SLC2A9: variants seen among roughly 807,000 people sequenced by gnomAD.
SLC2A9 encodes solute carrier family 2, facilitated glucose transporter member 9.
In SLC2A9, 39 loss-of-function variants were observed where a neutral mutation model predicts 50.6. The ratio of observed to expected loss-of-function variants is 0.77; its 90% CI spans 0.60 to 1.01. The LOEUF (loss-of-function observed/expected upper bound fraction) is 1.01. Among genes scored for constraint, SLC2A9 ranks in the 50% least tolerant of loss-of-function variants. The pLI is 0.00. For synonymous variants in SLC2A9, 324 were observed against 276.9 expected (o/e 1.17, Z -1.69); for missense variants, 686 against 677.6 (o/e 1.01, Z -0.14).
chr4:9,971,764 A>G (rs1753938367), intron 5 of SLC2A9, among the ~76,000 whole-genome samples: 1 of 152,250 alleles, frequency 6.6e-6, no homozygotes, highest in Non-Finnish European at 1.5e-5. Context: ...CAAACCCCTG[A>G]AAAATAAAGC....
At chr4:9,912,165 A>G (rs984155933) in intron 7 of SLC2A9, among the ~76,000 whole-genome samples, 1 of 152,120 alleles carries the variant, frequency 6.6e-6, no homozygotes, top group African/African-American at 2.4e-5. Flanking sequence ...GGGGAGGGAG[A>G]GCATTAGGAG....
At chr4:9,873,509 G>C (rs1384192205) in intron 10 of SLC2A9, among the ~76,000 whole-genome samples, 7 of 152,200 alleles carry the variant, frequency 4.6e-5, no homozygotes, top group African/African-American at 1.7e-4. Flanking sequence ...GGAGTTCCAA[G>C]CCCAGGCCTC....
At chr4:9,921,952 C>T (rs1274992958) in intron 6 of SLC2A9, among the ~76,000 whole-genome samples, 2 of 151,944 alleles carry the variant, frequency 1.3e-5, no homozygotes, top group Non-Finnish European at 2.9e-5. Context: ...ACCATGGCTG[C>T]CAGGAAGCTC....
chr4:9,792,244 A>T (rs1415824956), intron 3 of SLC2A9, among the ~76,000 whole-genome samples: 1 of 140,906 alleles, frequency 7.1e-6, no homozygotes, highest in East Asian at 2.0e-4. Context: ...TGGAGCAATC[A>T]TGGTTCACTG....
chr4:9,957,950 AG>A (rs1243658296), intron 5 of SLC2A9, among the ~76,000 whole-genome samples: 9 of 152,228 alleles, frequency 5.9e-5, no homozygotes, highest in African/African-American at 1.4e-4. Flanking sequence ...GCACAACTGA[AG>A]AGAAAGATTC....
intron 10 of SLC2A9, among the ~76,000 whole-genome samples, chr4:9,874,362 A>G (rs1260746801): frequency 6.6e-6 from 1 of 152,190 alleles, no homozygotes; most frequent in Non-Finnish European, 1.5e-5. Context: ...AGTTCTCCAG[A>G]TGCCCTCTCT....
chr4:9,960,513 C>A (rs1429842341), intron 5 of SLC2A9, among the ~76,000 whole-genome samples: 1 of 152,172 alleles, frequency 6.6e-6, no homozygotes, highest in African/African-American at 2.4e-5. Context: ...CAGAGGGAAG[C>A]AAGAAGACAC....
chr4:10,001,680 G>C (rs373764305), intron 2 of SLC2A9, among the ~76,000 whole-genome samples: 1 of 152,322 alleles, frequency 6.6e-6, no homozygotes, highest in South Asian at 2.1e-4. Context: ...GCCTTCATCA[G>C]GGTGCTACCA....
At chr4:9,947,638 G>A (rs1187599230) in intron 5 of SLC2A9, among the ~76,000 whole-genome samples, 3 of 152,150 alleles carry the variant, frequency 2.0e-5, no homozygotes, top group African/African-American at 7.2e-5. Context: ...CTGAGAGCAG[G>A]CCTTTCGTAT....
chr4:10,023,555 G>A (rs1763652621), upstream of SLC2A9, among the ~76,000 whole-genome samples: 1 of 152,172 alleles, frequency 6.6e-6, no homozygotes, highest in Non-Finnish European at 1.5e-5. Context: ...AACTCAAAAG[G>A]AACCAGAAAT....
At chr4:10,009,612 C>T (rs1269907034) in intron 2 of SLC2A9, 1 of 152,202 alleles carries the variant, frequency 6.6e-6, no homozygotes, top group Non-Finnish European at 1.5e-5. Flanking sequence ...TGTCTCCCCT[C>T]CCAAGAAGAC....
At chr4:9,893,373 C>T (rs1472066318) in intron 8 of SLC2A9, among the ~76,000 whole-genome samples, 1 of 151,778 alleles carries the variant, frequency 6.6e-6, no homozygotes, top group Non-Finnish European at 1.5e-5. Flanking sequence ...GTCTTTATAA[C>T]GCAGGCAGAA....
intron 1 of SLC2A9, among the ~76,000 whole-genome samples, chr4:10,033,679 G>C (rs1247944410): frequency 6.6e-6 from 1 of 152,212 alleles, no homozygotes; most frequent in African/African-American, 2.4e-5. Context: ...GCTTCAGTGA[G>C]CAAGCTCTCT....
At chr4:9,943,269 T>C (rs1177745204) in intron 5 of SLC2A9, among the ~76,000 whole-genome samples, 1 of 152,186 alleles carries the variant, frequency 6.6e-6, no homozygotes, top group Admixed American at 6.5e-5. Flanking sequence ...AGCCAGCAGC[T>C]GGTCCAATCA....
upstream of SLC2A9, among the ~76,000 whole-genome samples, chr4:10,022,970 T>C (rs1025749412): frequency 1.3e-5 from 2 of 152,172 alleles, no homozygotes; most frequent in Non-Finnish European, 2.9e-5. Context: ...AGTGGCTGTT[T>C]CTTGAACTGG....
chr4:9,980,649 A>G lies in SLC2A9; in HGVS notation c.624T>C (p.Phe208=), dbSNP rs755352155. ...RGSLGQVTAI[F]ICIGVFTGQL... ...GCCCAGTGAACACGCCAATGCAGAT[A>G]AAGATGGCAGTCACCTGCCCCAGAG... Residue 208 remains phenylalanine, a synonymous_variant, in exon 5 of 12, where the codon TTT becomes TTC. Transcript: ENST00000264784. 1 of 1,614,174 alleles carries G rather than the reference A, an allele frequency of 6.2e-7. No homozygotes were observed. Among genetic ancestry groups the G allele is most frequent in the East Asian group, 2.2e-5 (1 of 44,864 alleles).
chr4:9,839,360 A>G (rs545861904), intron 10 of SLC2A9, among the ~76,000 whole-genome samples: 5 of 152,326 alleles, frequency 3.3e-5, no homozygotes, highest in Admixed American at 3.3e-4. Context: ...TTGTGGAGAA[A>G]AAGGAACATT....
rs770634540 is a variant in SLC2A9, at chr4:9,890,717, C to T, written c.1114-6G>A. On this transcript the variant is annotated splice_polypyrimidine_tract_variant and splice_region_variant and intron_variant, in intron 8 of 11. Coordinates refer to ENST00000264784, the MANE Select transcript of SLC2A9 (RefSeq NM_020041.3). ...AGGTGCTCAATGACCAAACCCTAGTCCAGGGTAAAAGAGAGAGAGAGAGCT... is the reference window on the plus strand; with the variant it reads ...AGGTGCTCAATGACCAAACCCTAGTTCAGGGTAAAAGAGAGAGAGAGAGCT... 72 of 1,611,762 alleles carry T rather than the reference C, an allele frequency of 4.5e-5. No homozygotes were observed. The highest frequency in any genetic ancestry group is 5.8e-5 in the Non-Finnish European group (68 of 1,178,158).
At chr4:9,989,017 T>G (rs1757222236) in intron 3 of SLC2A9, among the ~76,000 whole-genome samples, 1 of 152,254 alleles carries the variant, frequency 6.6e-6, no homozygotes, top group South Asian at 2.1e-4. Context: ...ATGGAAATAA[T>G]GTATCTCTCC....
Sources: gnomAD v4.1 joint callset for allele counts (sites outside exome capture counted in the v4.1 genomes callset) on GRCh38, gnomAD v4.1.1 for gene constraint, MANE v1.5 for transcripts, NCBI Gene and HGNC (gene_info 2026-07-23, HGNC 2026-07-21) for gene names.